Variants in RAI1 observed in about 807,000 individuals in gnomAD.
RAI1 encodes the protein retinoic acid induced 1, also known as retinoic acid-induced protein 1.
RAI1 carries 9 observed loss-of-function variants against 123.8 expected under a neutral mutation model. That is an observed-to-expected ratio of 0.07 (90% CI 0.04 to 0.13). The LOEUF (loss-of-function observed/expected upper bound fraction) is 0.13, where lower values mean the gene tolerates loss of function less well. RAI1 is among the 10% of genes least tolerant of loss of function. The pLI is 1.00. For synonymous variants in RAI1, 1,231 were observed against 1,127.3 expected (o/e 1.09, Z -1.84); for missense variants, 2,256 against 2,545.8 (o/e 0.89, Z 2.45).
intron 2 of RAI1, among the ~76,000 whole-genome samples, chr17:17,741,942 G>A (rs752354995): frequency 1.3e-5 from 2 of 152,256 alleles, no homozygotes; most frequent in Non-Finnish European, 2.9e-5. Flanking sequence ...TTTATCAGAC[G>A]CTGCATATCT....
chr17:17,756,197 A>AT (rs765341751), intron 2 of RAI1, among the ~76,000 whole-genome samples: 4,201 of 143,274 alleles, frequency 0.029, 153 homozygotes, highest in African/African-American at 0.07. Flanking sequence ...GAGTGAATGA[A>AT]TTTTTTTTTT....
At chr17:17,752,669 C>G (rs1361002903) in intron 2 of RAI1, among the ~76,000 whole-genome samples, 1 of 152,128 alleles carries the variant, frequency 6.6e-6, no homozygotes. Context: ...GCAGACGTGT[C>G]CCCGGGGGCC....
intron 1 of RAI1, among the ~76,000 whole-genome samples, chr17:17,687,880 A>G (rs1914692229): frequency 6.6e-6 from 1 of 151,802 alleles, no homozygotes; most frequent in South Asian, 2.1e-4. Context: ...AAATACAAAA[A>G]TTAGCCAGGT....
intron 2 of RAI1, chr17:17,778,968 G>C (rs769737127): frequency 6.7e-6 from 3 of 450,856 alleles, no homozygotes; most frequent in South Asian, 4.7e-5. Flanking sequence ...ATTCTGAACC[G>C]CAGAAAGTAT....
chr17:17,798,713 C>T (rs1380562266), intron 3 of RAI1, among the ~76,000 whole-genome samples, 200 bp downstream of exon 3: 1 of 152,122 alleles, frequency 6.6e-6, no homozygotes, highest in African/African-American at 2.4e-5. Context: ...AGGTCACACT[C>T]ACCTACCCTG....
At chr17:17,783,175 C>A (rs2031671339) in intron 2 of RAI1, among the ~76,000 whole-genome samples, 1 of 152,144 alleles carries the variant, frequency 6.6e-6, no homozygotes, top group Non-Finnish European at 1.5e-5. Context: ...TCTCTCCTGG[C>A]GCCTGCAGCG....
At chr17:17,734,512 G>A (rs947879953) in intron 2 of RAI1, among the ~76,000 whole-genome samples, 4 of 152,308 alleles carry the variant, frequency 2.6e-5, no homozygotes, top group African/African-American at 7.2e-5. Context: ...AAATTGGGAG[G>A]CCTAACAAAT....
At chr17:17,749,835 A>G (rs751329196) in intron 2 of RAI1, among the ~76,000 whole-genome samples, 2 of 152,218 alleles carry the variant, frequency 1.3e-5, no homozygotes, top group Non-Finnish European at 2.9e-5. Context: ...AGCACCCAGC[A>G]TAGGGCATGT....
chr17:17,729,901 A>AG (rs1775588781), intron 2 of RAI1, among the ~76,000 whole-genome samples: 1 of 152,176 alleles, frequency 6.6e-6, no homozygotes. Context: ...GCAAAGGTAG[A>AG]GTGGGAGAAG....
chr17:17,723,854 G>A (rs1166797016), intron 1 of RAI1, among the ~76,000 whole-genome samples, 174 bp from the exon 2 acceptor site: 1 of 149,924 alleles, frequency 6.7e-6, no homozygotes, highest in South Asian at 2.2e-4. Context: ...GACCCCCGGC[G>A]GCCTGTGAAT....
At position 17,798,030 on chromosome 17, in the gene RAI1, C is replaced by G; in HGVS notation, c.5082C>G (p.Ala1694=). The change falls in exon 3 of 6, where the codon GCC becomes GCG. Residue 1694 remains alanine (A), a synonymous_variant. Coordinates refer to ENST00000353383, the MANE Select transcript of RAI1 (RefSeq NM_030665.4). The part of the protein sequence containing the change: ...CLVCCLCQNP[A]NFKDLGDLCG... ...TTTGCTGCCTCTGCCAAAACCCGGC[C>G]AACTTCAAGGACCTTGGGGACCTCT... is the stretch of plus-strand genomic sequence containing the variant. The G allele has an allele frequency of 6.2e-7, 1 of 1,614,116 alleles. No homozygotes were observed.
intron 2 of RAI1, among the ~76,000 whole-genome samples, chr17:17,792,246 G>A (rs1019842745): frequency 1.3e-5 from 2 of 152,180 alleles, no homozygotes; most frequent in African/African-American, 2.4e-5. Context: ...GCCCCTAATC[G>A]ATGTCTGCTA....
Position 17,796,083 on chromosome 17 carries a change from C to T in RAI1, c.3135C>T (p.Gly1045=). The change falls in exon 3 of 6, where the codon GGC becomes GGT. Residue 1045 remains glycine, a synonymous_variant. Transcript: ENST00000353383. The surrounding 1 kb of genome is among the most constrained non-coding windows in gnomAD (Gnocchi z 5.8). ...QGQMEGAGAP[G]RGASEGLPRM... ...AGATGGAAGGGGCTGGAGCCCCAGG[C>T]CGGGGGGCCTCGGAAGGGCTCCCCA... is the stretch of plus-strand genomic sequence containing the variant. The T allele has an allele frequency of 6.3e-7, 1 of 1,581,284 alleles. No individual in the cohort carries two copies. The highest frequency in any genetic ancestry group is 1.7e-4 in the Middle Eastern group (1 of 6,024).
In RAI1 at chr17:17,797,221, A is replaced by G. The variant is rs1225699194; in HGVS notation, c.4273A>G (p.Lys1425Glu). The G allele has an allele frequency of 2.5e-6, 4 of 1,613,746 alleles. No individual in the cohort carries two copies. Among genetic ancestry groups the G allele is most frequent in the Non-Finnish European group, 2.5e-6 (3 of 1,180,044 alleles). The part of the protein sequence containing the change: ...SKKLSSTDCF[K>E]TEAFTSPEAL... ...GAAACTGTCTTCTACTGACTGTTTC[A>G]AAACCGAGGCCTTCACATCCCCGGA... The change falls in exon 3 of 6, where the codon AAA becomes GAA. Residue 1425 changes from lysine to glutamate, a missense_variant. By Grantham distance (56) the Lys-to-Glu change is moderately conservative. Around this residue, in one of 7 missense-constraint regions of RAI1, gnomAD observed 410 missense variants for 374.6 expected, o/e 1.09. Coordinates refer to ENST00000353383, the MANE Select transcript of RAI1 (RefSeq NM_030665.4).
At chr17:17,696,224 A>G (rs188268478) in intron 1 of RAI1, among the ~76,000 whole-genome samples, 5 of 152,342 alleles carry the variant, frequency 3.3e-5, no homozygotes, top group Admixed American at 2.0e-4. Context: ...CTTATGATAC[A>G]TCTACGGAGT....
At chr17:17,682,981 T>C (rs568748703) in intron 1 of RAI1, among the ~76,000 whole-genome samples, 1 of 151,694 alleles carries the variant, frequency 6.6e-6, no homozygotes, top group Non-Finnish European at 1.5e-5. Context: ...CGCCGCACAC[T>C]CTCCCGCGCC....
rs967689454 is a variant in RAI1 at position 17,711,228 on chromosome 17, G to C, written c.-148-12800G>C. ...GAACTCTGGTCACGTCCTGGCTGGG[G>C]GTTGTCCCTCCTCGACAGAAACACA... On this transcript the variant is annotated intron_variant, in intron 1 of 5. Coordinates refer to ENST00000353383, the MANE Select transcript of RAI1 (RefSeq NM_030665.4). Among the ~76,000 whole-genome samples, 14 of 152,306 alleles carry C rather than the reference G, an allele frequency of 9.2e-5. No homozygotes were observed. In the South Asian group the frequency reaches 2.9e-3, roughly 32 times the overall value.
intron 2 of RAI1, chr17:17,766,395 G>A (rs1446639083): frequency 6.6e-6 from 1 of 152,208 alleles, no homozygotes; most frequent in Non-Finnish European, 1.5e-5. Flanking sequence ...GAAGAAAAAT[G>A]AGGCTTTGAT....
At chr17:17,784,029 C>T (rs958558156) in intron 2 of RAI1, among the ~76,000 whole-genome samples, 3 of 152,118 alleles carry the variant, frequency 2.0e-5, no homozygotes, top group Non-Finnish European at 4.4e-5. Context: ...CCCTCTTTTT[C>T]TCTCTCCTTA....
Sources: gnomAD v4.1 joint callset for allele counts (sites outside exome capture counted in the v4.1 genomes callset) on GRCh38, gnomAD v4.1.1 for gene constraint, gnomAD v4.1.1 regional missense constraint, Gnocchi (gnomAD v3.1) non-coding constraint, MANE v1.5 for transcripts, NCBI Gene and HGNC (gene_info 2026-07-23, HGNC 2026-07-21) for gene names.